Variants in C6 observed in about 807,000 individuals in gnomAD.
C6 encodes the protein complement C6.
C6 carries 101 observed loss-of-function variants against 112.9 expected under a neutral mutation model. The observed-to-expected ratio is 0.89, with a 90% CI of 0.76 to 1.06. The LOEUF is 1.06. Ranked by LOEUF, C6 falls within the 50% of genes least tolerant of loss-of-function variation. C6 has a pLI of 0.00. For missense variants in C6, 1,202 were observed against 1,104.6 expected (o/e 1.09, Z -1.25); for synonymous variants, 431 against 384.1 (o/e 1.12, Z -1.43).
intron 1 of C6, among the ~76,000 whole-genome samples, chr5:41,253,457 C>T (rs568274650): frequency 2.6e-5 from 4 of 152,152 alleles, no homozygotes; most frequent in Non-Finnish European, 5.9e-5. Context: ...TCCTTACAGT[C>T]CCAAGTCTGT....
At chr5:41,165,509 C>G (rs1747902499) in intron 9 of C6, among the ~76,000 whole-genome samples, 1 of 151,986 alleles carries the variant, frequency 6.6e-6, no homozygotes, top group African/African-American at 2.4e-5. Context: ...TTTTGATTCC[C>G]AGTTATCTTT....
At chr5:41,260,044 A>T (rs1049038564) in intron 1 of C6, among the ~76,000 whole-genome samples, 1 of 152,226 alleles carries the variant, frequency 6.6e-6, no homozygotes, top group Non-Finnish European at 1.5e-5. Flanking sequence ...TATTCAATTT[A>T]TCTACTTATT....
intron 8 of C6, among the ~76,000 whole-genome samples, chr5:41,175,814 A>G (rs1174360953): frequency 6.6e-6 from 1 of 152,220 alleles, no homozygotes; most frequent in Non-Finnish European, 1.5e-5. Flanking sequence ...CATCAAATTC[A>G]CATGCAAGAG....
chr5:41,221,251 G>A (rs1198700688), intron 1 of C6, among the ~76,000 whole-genome samples: 1 of 151,948 alleles, frequency 6.6e-6, no homozygotes, highest in Non-Finnish European at 1.5e-5. Context: ...TAGTTTTCAT[G>A]AAAACTCTAC....
chr5:41,185,037 A>C (rs1369966783), intron 6 of C6, among the ~76,000 whole-genome samples: 1 of 152,186 alleles, frequency 6.6e-6, no homozygotes, highest in Non-Finnish European at 1.5e-5. Flanking sequence ...TTTGAAAGTA[A>C]ACTTGTGGAT....
Position 41,161,818 on chromosome 5 carries a change from G to C in C6, c.1333C>G (p.Arg445Gly). The stretch of plus-strand genomic sequence containing the variant: ...GCTCCATATTCACTCCTTCCACCTC[G>C]AATCAGGGATATGGATTTCTCTGCT... ...QGAEKSISLI[R>G]GGRSEYGAAL... Residue 445 changes from arginine to glycine, a missense_variant, in exon 10 of 18, where the codon CGA (arginine) becomes GGA (glycine). By Grantham distance (125) the Arg-to-Gly change is moderately radical (BLOSUM62 -2). Transcript: ENST00000337836. 1 of 1,613,488 alleles carries C rather than the reference G, an allele frequency of 6.2e-7. No homozygotes were observed. The highest frequency in any genetic ancestry group is 8.5e-7 in the Non-Finnish European group (1 of 1,179,644).
chr5:41,258,003 A>T (rs1168665238), intron 1 of C6, among the ~76,000 whole-genome samples: 1 of 152,042 alleles, frequency 6.6e-6, no homozygotes, highest in Admixed American at 6.6e-5. Flanking sequence ...TAATTAACTC[A>T]TTTTTTTCTA....
At chr5:41,249,035 A>C in intron 1 of C6, among the ~76,000 whole-genome samples, 1 of 152,222 alleles carries the variant, frequency 6.6e-6, no homozygotes, top group East Asian at 1.9e-4. Context: ...TCATTATTCT[A>C]AGAAGTTTAA....
Position 41,235,647 on chromosome 5 carries a change from G to A in C6, c.-21+25547C>T, listed in dbSNP as rs1159127315. Among the ~76,000 whole-genome samples the A allele has an allele frequency of 3.5e-3, 423 of 119,352 alleles. 4 individuals carry two copies. The highest frequency in any genetic ancestry group is 0.014 in the African/African-American group (398 of 28,610). 78.3% of individuals were successfully genotyped at this position (119,352 alleles called of 152,430 possible). ...TCTAGTTCTAGATCCCTGAGGAATC[G>A]CCACACTGACTTCCACAATGGTTGA... On this transcript the variant is annotated intron_variant, in intron 1 of 17. Transcript: ENST00000263413.
chr5:41,256,238 G>A (rs186804551), intron 1 of C6, among the ~76,000 whole-genome samples: 10 of 151,696 alleles, frequency 6.6e-5, no homozygotes, highest in South Asian at 4.2e-4. Flanking sequence ...GAATAATGCC[G>A]CAATAAACAT....
chr5:41,165,680 T>C (rs1017126697), intron 9 of C6, among the ~76,000 whole-genome samples: 2 of 152,178 alleles, frequency 1.3e-5, no homozygotes, highest in Non-Finnish European at 2.9e-5. Flanking sequence ...CAGACATGTA[T>C]TGAATATTTA....
intron 1 of C6, among the ~76,000 whole-genome samples, chr5:41,220,314 C>T (rs1739088109): frequency 6.6e-6 from 1 of 152,126 alleles, no homozygotes; most frequent in African/African-American, 2.4e-5. Flanking sequence ...GAATCTAAGG[C>T]TCTGGATACT....
Position 41,203,210 on chromosome 5 carries a change from C to T in C6, c.21G>A (p.Leu7=), listed in dbSNP as rs377251152. 4.3e-5 allele frequency: 69 copies of T among 1,613,998 alleles called. No homozygotes were observed. The African/African-American group carries it at 4.5e-4, about 11-fold the overall frequency. The change falls in exon 2 of 18, where the codon TTG becomes TTA. Residue 7 remains leucine, a synonymous_variant. Coordinates refer to ENST00000337836, the MANE Select transcript of C6 (RefSeq NM_000065.5). The part of the protein sequence containing the change: MARRSV[L]YFILLNALIN... ...TCAGAGCATTCAGCAGGATGAAGTA[C>T]AAGACAGAGCGTCTGGCCATGCCTT...
intron 1 of C6, among the ~76,000 whole-genome samples, chr5:41,256,701 G>A (rs879364175): frequency 2.6e-5 from 4 of 152,112 alleles, no homozygotes; most frequent in African/African-American, 9.7e-5. Flanking sequence ...CAATAATGTT[G>A]CCAACTGCAC....
chr5:41,167,161 A>T (rs541127579), intron 9 of C6, among the ~76,000 whole-genome samples: 1 of 152,154 alleles, frequency 6.6e-6, no homozygotes, highest in East Asian at 1.9e-4. Context: ...AGAGAAAAAG[A>T]GCAAAATTTT....
At chr5:41,203,573 CT>C in intron 1 of C6, 44 of 300,140 alleles carry the variant, frequency 1.5e-4, no homozygotes, top group South Asian at 2.3e-4. Flanking sequence ...TTTATACAGT[CT>C]TACCCTTCTC....
chr5:41,145,767 G>A (rs1169981546), intron 17 of C6, among the ~76,000 whole-genome samples: 1 of 152,196 alleles, frequency 6.6e-6, no homozygotes, highest in Non-Finnish European at 1.5e-5. Context: ...TCCATTGATG[G>A]AAGGGATGGA....
chr5:41,234,364 G>GTTTTTTTTTTTTTTTTTTTTTTTGTTT (rs70988840), intron 1 of C6, among the ~76,000 whole-genome samples: 1 of 123,008 alleles, frequency 8.1e-6, no homozygotes, highest in African/African-American at 2.9e-5. Flanking sequence ...TTTGTTTTTT[G>GTTTTTTTTTTTTTTTTTTTTTTTGTTT]TTTTTTTTTT....
upstream of C6, among the ~76,000 whole-genome samples, chr5:41,215,133 C>T (rs1010560688): frequency 3.9e-5 from 6 of 152,032 alleles, no homozygotes; most frequent in African/African-American, 1.4e-4. Flanking sequence ...GCCTGATGCC[C>T]GTTTTTGTAA....
Sources: allele counts gnomAD v4.1 joint callset (sites outside exome capture counted in the v4.1 genomes callset), GRCh38; gene constraint gnomAD v4.1.1; transcripts MANE v1.5; gene names NCBI Gene and HGNC (gene_info 2026-07-23, HGNC 2026-07-21).